The following CNTN4 variants were observed in gnomAD, a reference collection of about 807,000 sequenced individuals.
CNTN4 encodes the protein contactin 4.
CNTN4 carries 77 observed loss-of-function variants against 122.5 expected under a neutral mutation model. The observed-to-expected ratio is 0.63, with a 90% CI of 0.52 to 0.76. CNTN4 has a LOEUF of 0.76. Ranked by LOEUF, CNTN4 falls within the 30% of genes least tolerant of loss-of-function variation. CNTN4 has a pLI of 0.00. For synonymous variants in CNTN4, 512 were observed against 447.0 expected (o/e 1.15, Z -1.83); for missense variants, 1,256 against 1,259.1 (o/e 1.00, Z 0.04).
intron 8 of CNTN4, among the ~76,000 whole-genome samples, chr3:2,882,219 G>T (rs1230230042): frequency 6.6e-6 from 1 of 152,068 alleles, no homozygotes; most frequent in Admixed American, 6.6e-5. Context: ...AAAAAAATTA[G>T]CTGGGCATGG....
At chr3:2,835,184 C>T (rs941424193) in intron 7 of CNTN4, among the ~76,000 whole-genome samples, 1 of 152,044 alleles carries the variant, frequency 6.6e-6, no homozygotes, top group Non-Finnish European at 1.5e-5. Context: ...GGATTACAGG[C>T]ATGAGCCACC....
At chr3:2,384,592 T>C (rs915477887) in intron 3 of CNTN4, among the ~76,000 whole-genome samples, 4 of 152,188 alleles carry the variant, frequency 2.6e-5, no homozygotes, top group African/African-American at 7.2e-5. Context: ...GAATTGCAAA[T>C]GCCCAGCTAA....
intron 3 of CNTN4, among the ~76,000 whole-genome samples, chr3:2,426,867 T>G (rs1302145180): frequency 2.0e-5 from 3 of 152,244 alleles, no homozygotes; most frequent in Admixed American, 6.5e-5. Flanking sequence ...TAGAAGTGTT[T>G]GTAGTATTCT....
intron 3 of CNTN4, among the ~76,000 whole-genome samples, chr3:2,480,800 GAGA>G (rs2075968633): frequency 6.6e-6 from 1 of 152,092 alleles, no homozygotes; most frequent in Non-Finnish European, 1.5e-5. Flanking sequence ...AGTATGGAAG[GAGA>G]AGAACAAAGT....
At chr3:3,005,183 C>T (rs564716921) in intron 14 of CNTN4, among the ~76,000 whole-genome samples, 10 of 152,252 alleles carry the variant, frequency 6.6e-5, no homozygotes, top group Non-Finnish European at 1.2e-4. Flanking sequence ...TGATTCACAC[C>T]GAGGCTAATC....
chr3:2,869,414 T>C (rs2093760695), intron 8 of CNTN4, among the ~76,000 whole-genome samples: 1 of 152,158 alleles, frequency 6.6e-6, no homozygotes, highest in South Asian at 2.1e-4. Flanking sequence ...ATTCCTTAAA[T>C]GTGGGAGACA....
chr3:2,487,583 A>G (rs1382489006), intron 3 of CNTN4, among the ~76,000 whole-genome samples: 1 of 152,190 alleles, frequency 6.6e-6, no homozygotes, highest in Non-Finnish European at 1.5e-5. Flanking sequence ...TTTAGCACAG[A>G]TTATTTCCTT....
At chr3:2,287,769 GAAGAAGA>G (rs2041993857) in intron 2 of CNTN4, among the ~76,000 whole-genome samples, 1 of 148,618 alleles carries the variant, frequency 6.7e-6, no homozygotes, top group African/African-American at 2.6e-5. Flanking sequence ...AGAAGAAGAA[GAAGAAGA>G]AGGAGAAGAA....
chr3:2,855,576 C>G (rs2093609251), intron 7 of CNTN4, among the ~76,000 whole-genome samples: 1 of 152,168 alleles, frequency 6.6e-6, no homozygotes, highest in African/African-American at 2.4e-5. Flanking sequence ...CTCACTGGAT[C>G]CAGTTTAACT....
intron 4 of CNTN4, among the ~76,000 whole-genome samples, chr3:2,726,915 T>C (rs1343657771): frequency 6.6e-6 from 1 of 152,176 alleles, no homozygotes; most frequent in Non-Finnish European, 1.5e-5. Context: ...CGGGAAACTG[T>C]GTGGAGAAGG....
At chr3:2,402,865 A>G (rs2046906416) in intron 3 of CNTN4, among the ~76,000 whole-genome samples, 1 of 152,192 alleles carries the variant, frequency 6.6e-6, no homozygotes, top group South Asian at 2.1e-4. Context: ...TACGCAGTAC[A>G]AATTGCTGTG....
At chr3:2,557,090 A>C (rs978559520) in intron 3 of CNTN4, among the ~76,000 whole-genome samples, 11 of 152,318 alleles carry the variant, frequency 7.2e-5, no homozygotes, top group South Asian at 6.2e-4. Context: ...TCAGTCTCAA[A>C]ATTCATGTTA....
At chr3:3,016,423 C>T (rs1697761482) in intron 14 of CNTN4, among the ~76,000 whole-genome samples, 1 of 152,114 alleles carries the variant, frequency 6.6e-6, no homozygotes, top group African/African-American at 2.4e-5. Flanking sequence ...AAAGACTTCC[C>T]AGATGAGAAA....
chr3:2,818,606 C>T (rs187929784), intron 6 of CNTN4, among the ~76,000 whole-genome samples: 54 of 152,252 alleles, frequency 3.5e-4, no homozygotes, highest in African/African-American at 1.1e-3. Flanking sequence ...GGATTTACAT[C>T]TGGGAGGGTG....
intron 23 of CNTN4, 115 bp downstream of exon 23, chr3:3,043,819 C>T: frequency 1.3e-6 from 1 of 746,870 alleles, no homozygotes; most frequent in East Asian, 2.7e-5. Context: ...CTCTCCTACC[C>T]TCTAGGAATC....
intron 6 of CNTN4, among the ~76,000 whole-genome samples, chr3:2,750,677 C>T (rs948677159): frequency 6.6e-6 from 1 of 152,206 alleles, no homozygotes; most frequent in Non-Finnish European, 1.5e-5. Context: ...CTCACTGTCA[C>T]TTAGCCTACT....
chr3:2,230,794 G>C (rs932245476), intron 2 of CNTN4, among the ~76,000 whole-genome samples: 1 of 151,958 alleles, frequency 6.6e-6, no homozygotes, highest in African/African-American at 2.4e-5. Flanking sequence ...AGACCAGCAT[G>C]GGCAACATAG....
chr3:2,352,697 G>A (rs79666235), intron 3 of CNTN4, among the ~76,000 whole-genome samples: 2,757 of 152,300 alleles, frequency 0.018, 41 homozygotes, highest in Admixed American at 0.032. Flanking sequence ...CATGGCTGGA[G>A]CCTCTCCGAC....
chr3:2,854,268 CTTT>C (rs56147510), intron 7 of CNTN4, among the ~76,000 whole-genome samples: 8 of 90,052 alleles, frequency 8.9e-5, no homozygotes, highest in Non-Finnish European at 1.6e-4. Flanking sequence ...CTTTCTTCTT[CTTT>C]TTTTTTTTTT....
Sources: allele counts gnomAD v4.1 joint callset (sites outside exome capture counted in the v4.1 genomes callset), GRCh38; gene constraint gnomAD v4.1.1; transcripts MANE v1.5; gene names NCBI Gene and HGNC (gene_info 2026-07-23, HGNC 2026-07-21).